The following BLTP3B variants were observed in gnomAD, a reference collection of about 807,000 sequenced individuals.
The protein encoded by BLTP3B is UHRF1 (ICBP90) binding protein 1-like.
the BLTP3B span, chr12:100,072,940 C>CT: frequency 2.1e-6 from 2 of 943,282 alleles, no homozygotes; most frequent in Non-Finnish European, 3.0e-6. Flanking sequence ...CCAGTGTAAA[C>CT]TTTATTATAT....
the BLTP3B span, chr12:100,059,082 G>A: frequency 6.2e-7 from 1 of 1,614,054 alleles, no homozygotes; most frequent in Admixed American, 1.7e-5. Context: ...TGCATATCTT[G>A]TTGGTTGACA....
the BLTP3B span, among the ~76,000 whole-genome samples, chr12:100,112,684 C>T: frequency 1.4e-5 from 2 of 146,340 alleles, no homozygotes; most frequent in African/African-American, 5.3e-5. Flanking sequence ...ACAAAAAGGT[C>T]CATATAATCA....
At chr12:100,129,586 C>G in the BLTP3B span, among the ~76,000 whole-genome samples, 1 of 152,120 alleles carries the variant, frequency 6.6e-6, no homozygotes, top group Non-Finnish European at 1.5e-5. Context: ...AAAAACAAGG[C>G]ATTTGTTTTA....
At chr12:100,084,397 C>G in the BLTP3B span, 1 of 1,001,052 alleles carries the variant, frequency 1.0e-6, no homozygotes. Flanking sequence ...CACACACACA[C>G]ACACACACAC....
At chr12:100,070,449 G>T in the BLTP3B span, among the ~76,000 whole-genome samples, 1 of 151,970 alleles carries the variant, frequency 6.6e-6, no homozygotes, top group Non-Finnish European at 1.5e-5. Flanking sequence ...AGTAGACGGG[G>T]TTTTACTACA....
chr12:100,131,909 C>T, the BLTP3B span, among the ~76,000 whole-genome samples: 1 of 152,204 alleles, frequency 6.6e-6, no homozygotes, highest in Admixed American at 6.5e-5. Flanking sequence ...CCTGCCTCAG[C>T]CTCTTGAGTA....
chr12:100,076,150 G>A, the BLTP3B span, among the ~76,000 whole-genome samples: 34,281 of 151,296 alleles, frequency 0.23, 5,092 homozygotes, highest in African/African-American at 0.42. Context: ...TTAAGGTTCT[G>A]GTTACATTTT....
At chr12:100,040,843 A>T in the BLTP3B span, among the ~76,000 whole-genome samples, 2 of 152,194 alleles carry the variant, frequency 1.3e-5, no homozygotes, top group African/African-American at 4.8e-5. Context: ...ACTACCCACA[A>T]AGAAAAGCCC....
At chr12:100,069,704 G>C in the BLTP3B span, among the ~76,000 whole-genome samples, 5 of 152,102 alleles carry the variant, frequency 3.3e-5, no homozygotes, top group East Asian at 9.7e-4. Context: ...TGAGGACTCA[G>C]GGGGAAAGGG....
the BLTP3B span, chr12:100,047,526 A>G: frequency 6.3e-7 from 1 of 1,584,362 alleles, no homozygotes; most frequent in Non-Finnish European, 8.7e-7. Flanking sequence ...TTTTTCATAT[A>G]TACCTCTGAT....
chr12:100,126,494 A>ACC, the BLTP3B span, among the ~76,000 whole-genome samples: 2 of 152,068 alleles, frequency 1.3e-5, no homozygotes, highest in Middle Eastern at 3.4e-3. Flanking sequence ...AACCACCACC[A>ACC]CCCACCATCC....
the BLTP3B span, among the ~76,000 whole-genome samples, chr12:100,106,391 G>A: frequency 6.6e-6 from 1 of 152,036 alleles, no homozygotes; most frequent in South Asian, 2.1e-4. Context: ...TACAGAAAAT[G>A]TGGTACATAA....
At chr12:100,040,067 T>G in the BLTP3B span, among the ~76,000 whole-genome samples, 4 of 152,170 alleles carry the variant, frequency 2.6e-5, no homozygotes, top group African/African-American at 9.7e-5. Flanking sequence ...TTTATTCGAT[T>G]TAATAGATTT....
At chr12:100,123,729 T>C in the BLTP3B span, among the ~76,000 whole-genome samples, 1 of 151,704 alleles carries the variant, frequency 6.6e-6, no homozygotes, top group African/African-American at 2.4e-5. Flanking sequence ...AATCAAAGTA[T>C]GCTCCCAATG....
the BLTP3B span, among the ~76,000 whole-genome samples, chr12:100,096,128 C>G: frequency 7.9e-5 from 12 of 152,006 alleles, no homozygotes; most frequent in Non-Finnish European, 1.2e-4. Flanking sequence ...TGGCGGACAC[C>G]TGTGTAATCC....
the BLTP3B span, among the ~76,000 whole-genome samples, chr12:100,067,555 A>C: frequency 1.3e-5 from 2 of 152,204 alleles, no homozygotes; most frequent in African/African-American, 4.8e-5. Flanking sequence ...GCAACTATGA[A>C]CATCTTTATG....
the BLTP3B span, among the ~76,000 whole-genome samples, chr12:100,117,537 A>T: frequency 3.9e-5 from 6 of 152,074 alleles, no homozygotes; most frequent in Non-Finnish European, 7.4e-5. Context: ...ATCACAGCTC[A>T]CTGCAGCCTT....
chr12:100,107,278 A>C, the BLTP3B span, among the ~76,000 whole-genome samples: 1 of 123,352 alleles, frequency 8.1e-6, no homozygotes, highest in African/African-American at 3.3e-5. Context: ...ACAGAGCAAG[A>C]CTCCATCTCC....
At chr12:100,131,792 C>CTGTTT in the BLTP3B span, among the ~76,000 whole-genome samples, 1 of 152,000 alleles carries the variant, frequency 6.6e-6, no homozygotes, top group Non-Finnish European at 1.5e-5. Context: ...CTAATACCCA[C>CTGTTT]TGTTTTGTTT....
Sources: gnomAD v4.1 joint callset for allele counts (sites outside exome capture counted in the v4.1 genomes callset) on GRCh38, gnomAD v4.1.1 for gene constraint, MANE v1.5 for transcripts, NCBI Gene and HGNC (gene_info 2026-07-23, HGNC 2026-07-21) for gene names.